AK5: variants seen among roughly 807,000 people sequenced by gnomAD.
AK5 encodes the protein adenylate kinase isoenzyme 5.
Under a neutral mutation model 69.5 loss-of-function variants are expected in AK5, and 27 were observed. That is an observed-to-expected ratio of 0.39 (90% CI 0.29 to 0.54). AK5 has a LOEUF of 0.54. Among genes scored for constraint, AK5 ranks in the 20% least tolerant of loss-of-function variants. The pLI, the probability that AK5 is intolerant of heterozygous loss-of-function variation, is 0.71. For synonymous variants in AK5, 260 were observed against 244.4 expected (o/e 1.06, Z -0.60); for missense variants, 531 against 700.4 (o/e 0.76, Z 2.73).
At chr1:77,514,599 C>T (rs907528975) in intron 10 of AK5, among the ~76,000 whole-genome samples, 2 of 152,114 alleles carry the variant, frequency 1.3e-5, no homozygotes, top group African/African-American at 4.8e-5. Context: ...CTTAAAATTC[C>T]ACAGTGCCTG....
chr1:77,523,716 T>C (rs2803138), intron 12 of AK5, among the ~76,000 whole-genome samples: 130,218 of 151,798 alleles, frequency 0.86, 55,932 homozygotes, highest in East Asian at 1. Flanking sequence ...CCTGTTGCCC[T>C]GGCTGGAGTG....
At chr1:77,407,586 G>A (rs75705492) in intron 6 of AK5, among the ~76,000 whole-genome samples, 13,620 of 152,056 alleles carry the variant, frequency 0.09, 820 homozygotes, top group African/African-American at 0.16. Context: ...ATGGTTTCAC[G>A]GGTGTAGACA....
chr1:77,383,683 A>G (rs1647810246), intron 6 of AK5, among the ~76,000 whole-genome samples: 1 of 152,204 alleles, frequency 6.6e-6, no homozygotes, highest in African/African-American at 2.4e-5. Context: ...CAAAGTTACT[A>G]CAATTCCAAT....
intron 5 of AK5, among the ~76,000 whole-genome samples, chr1:77,316,674 T>C (rs145285171): frequency 7.2e-5 from 11 of 152,304 alleles, no homozygotes; most frequent in African/African-American, 2.6e-4. Flanking sequence ...TTCATGAAAA[T>C]ATTAAAAGAA....
At chr1:77,317,107 G>T (rs1237707280) in intron 5 of AK5, among the ~76,000 whole-genome samples, 1 of 152,160 alleles carries the variant, frequency 6.6e-6, no homozygotes, top group Non-Finnish European at 1.5e-5. Context: ...TGGTGATTGG[G>T]GTTGCAGTAA....
At chr1:77,285,217 C>T (rs1455041513) in intron 1 of AK5, among the ~76,000 whole-genome samples, 1 of 152,104 alleles carries the variant, frequency 6.6e-6, no homozygotes, top group Non-Finnish European at 1.5e-5. Context: ...ATATATGACA[C>T]AGAGGCTTTT....
intron 6 of AK5, among the ~76,000 whole-genome samples, chr1:77,379,637 G>T (rs1647485533): frequency 6.6e-6 from 1 of 152,134 alleles, no homozygotes; most frequent in Non-Finnish European, 1.5e-5. Context: ...AACATCTTAG[G>T]TAGGAATTTG....
intron 8 of AK5, among the ~76,000 whole-genome samples, chr1:77,462,255 G>A (rs188607712): frequency 6.6e-6 from 1 of 152,256 alleles, no homozygotes; most frequent in Non-Finnish European, 1.5e-5. Flanking sequence ...TTGATCCAGC[G>A]AGGCTGGACC....
intron 8 of AK5, among the ~76,000 whole-genome samples, chr1:77,462,368 G>C (rs1653897795): frequency 6.6e-6 from 1 of 151,996 alleles, no homozygotes; most frequent in South Asian, 2.1e-4. Context: ...CAGATGAATG[G>C]ATGATTTATA....
chr1:77,365,364 G>T (rs1646932224), intron 6 of AK5, among the ~76,000 whole-genome samples: 2 of 152,198 alleles, frequency 1.3e-5, no homozygotes, highest in South Asian at 4.1e-4. Context: ...GGGCTGAAGT[G>T]CAGTGGCACG....
chr1:77,392,670 A>G (rs1234769566), intron 6 of AK5, among the ~76,000 whole-genome samples: 1 of 152,206 alleles, frequency 6.6e-6, no homozygotes, highest in Non-Finnish European at 1.5e-5. Flanking sequence ...CCGCACATTC[A>G]TAATAATAGT....
At chr1:77,370,616 T>C (rs1286322559) in intron 6 of AK5, among the ~76,000 whole-genome samples, 1 of 152,190 alleles carries the variant, frequency 6.6e-6, no homozygotes, top group Non-Finnish European at 1.5e-5. Context: ...GTGGATAGAA[T>C]GGAATGGACA....
intron 5 of AK5, among the ~76,000 whole-genome samples, chr1:77,319,225 A>AC (rs1294098554): frequency 2.0e-5 from 3 of 152,184 alleles, no homozygotes; most frequent in Non-Finnish European, 4.4e-5. Context: ...AATAAATTTC[A>AC]AGACTTTCCT....
At chr1:77,298,167 A>G (rs1659119223) in intron 5 of AK5, 1 of 435,788 alleles carries the variant, frequency 2.3e-6, no homozygotes, top group Non-Finnish European at 4.0e-6. Context: ...TAATAATAGA[A>G]TTCATTTTAT....
In AK5 at chr1:77,416,960, A is replaced by C. The variant is rs544274069; in HGVS notation, c.983-679A>C. ...GAATCAGTTGTGCTTCAGAAGTCCC[A>C]TTGTAAAAATTACCAGTTTAAGTCT... On this transcript the variant is annotated intron_variant, in intron 7 of 13. Coordinates refer to ENST00000354567, the MANE Select transcript of AK5 (RefSeq NM_174858.3). Among the ~76,000 whole-genome samples, 7 of 152,284 alleles carry C rather than the reference A, an allele frequency of 4.6e-5. No homozygotes were observed. In the East Asian group the frequency reaches 1.4e-3, roughly 29 times the overall value.
intron 12 of AK5, among the ~76,000 whole-genome samples, chr1:77,522,631 GGGTGGGTC>G (rs1557652574): frequency 3.9e-5 from 6 of 152,082 alleles, no homozygotes; most frequent in African/African-American, 1.4e-4. Flanking sequence ...CTAGTGAGGA[GGGTGGGTC>G]AGGGATACTC....
chr1:77,480,298 G>T (rs922978456), intron 8 of AK5, among the ~76,000 whole-genome samples: 2 of 152,212 alleles, frequency 1.3e-5, no homozygotes, highest in Admixed American at 6.5e-5. Flanking sequence ...GGTGAGAGTT[G>T]ATGACAGTTG....
intron 6 of AK5, among the ~76,000 whole-genome samples, chr1:77,394,181 C>T (rs1393891178): frequency 1.3e-5 from 2 of 150,562 alleles, no homozygotes; most frequent in Admixed American, 1.3e-4. Flanking sequence ...TGCCACTGCA[C>T]TCCAACCTGG....
chr1:77,357,182 T>C (rs992685746), intron 6 of AK5, among the ~76,000 whole-genome samples: 1 of 152,160 alleles, frequency 6.6e-6, no homozygotes, highest in Non-Finnish European at 1.5e-5. Flanking sequence ...AACCTTATGC[T>C]GGTGAAATGT....
Sources: allele counts gnomAD v4.1 joint callset (sites outside exome capture counted in the v4.1 genomes callset), GRCh38; gene constraint gnomAD v4.1.1; transcripts MANE v1.5; gene names NCBI Gene and HGNC (gene_info 2026-07-23, HGNC 2026-07-21).